CHIC1: variants seen among roughly 807,000 people sequenced by gnomAD.
CHIC1 encodes cysteine-rich hydrophobic domain-containing protein 1.
In CHIC1, 7 loss-of-function variants were observed where a neutral mutation model predicts 18.5. The observed-to-expected ratio is 0.38, with a 90% CI of 0.22 to 0.71. CHIC1 has a LOEUF of 0.71. CHIC1 is among the 30% of genes least tolerant of loss of function. CHIC1 has a pLI of 0.49. For missense variants in CHIC1, 159 were observed against 176.9 expected (o/e 0.90, Z 0.57); for synonymous variants, 77 against 73.5 (o/e 1.05, Z -0.25).
At chrX:73,669,003 G>A (rs181528825) in intron 3 of CHIC1, among the ~76,000 whole-genome samples, 2 of 112,874 alleles carry the variant, frequency 1.8e-5, no homozygotes, top group African/African-American at 6.4e-5. Flanking sequence ...CCATCCCAGG[G>A]AGAGGTGGGG....
chrX:73,669,710 G>A (rs2058020928), intron 3 of CHIC1, among the ~76,000 whole-genome samples: 1 of 112,017 alleles, frequency 8.9e-6, no homozygotes, highest in Non-Finnish European at 1.9e-5. Flanking sequence ...CAGACCATTT[G>A]GACTCTACAA....
intron 3 of CHIC1, among the ~76,000 whole-genome samples, chrX:73,655,615 T>G (rs1442253937): frequency 1.5e-5 from 1 of 66,266 alleles, no homozygotes; most frequent in African/African-American, 6.0e-5. Flanking sequence ...ATATATAGTG[T>G]GTGTATATAT....
chrX:73,628,053 TC>T (rs2057791648), intron 3 of CHIC1, among the ~76,000 whole-genome samples: 1 of 111,471 alleles, frequency 9.0e-6, no homozygotes, highest in Admixed American at 9.5e-5. Context: ...GGCAGTGGGT[TC>T]CCTTCTGGCC....
At chrX:73,628,073 G>T (rs1298414266) in intron 3 of CHIC1, among the ~76,000 whole-genome samples, 2 of 111,659 alleles carry the variant, frequency 1.8e-5, no homozygotes, top group African/African-American at 6.5e-5. Flanking sequence ...CCCAGGGTGT[G>T]TCTAGAAATG....
chrX:73,672,288 A>G (rs923576801), intron 3 of CHIC1, among the ~76,000 whole-genome samples: 1 of 111,807 alleles, frequency 8.9e-6, no homozygotes, highest in East Asian at 2.9e-4. Context: ...ATACCCAGTA[A>G]TGGGAAGGCT....
At chrX:73,654,791 G>A (rs960904645) in intron 3 of CHIC1, among the ~76,000 whole-genome samples, 1 of 111,460 alleles carries the variant, frequency 9.0e-6, no homozygotes, top group African/African-American at 3.3e-5. Flanking sequence ...CATTATTTTG[G>A]TTTTCCAGTT....
At chrX:73,628,809 T>C (rs751386592) in intron 3 of CHIC1, among the ~76,000 whole-genome samples, 5 of 111,541 alleles carry the variant, frequency 4.5e-5, no homozygotes, top group Middle Eastern at 4.6e-3. Context: ...TAGATAGTTG[T>C]TAACTATCTA....
At chrX:73,627,158 AG>A (rs1213620531) in intron 3 of CHIC1, among the ~76,000 whole-genome samples, 2 of 108,109 alleles carry the variant, frequency 1.8e-5, no homozygotes, top group African/African-American at 6.9e-5. Flanking sequence ...AAAAAAAAAA[AG>A]AGTCTTTCTC....
chrX:73,645,138 A>T (rs2057882451), intron 3 of CHIC1, among the ~76,000 whole-genome samples: 2 of 112,485 alleles, frequency 1.8e-5, no homozygotes. Context: ...CAATTTTTTT[A>T]GATTCCACAT....
chrX:73,609,911 T>A (rs1309368144), intron 3 of CHIC1, among the ~76,000 whole-genome samples: 1 of 108,738 alleles, frequency 9.2e-6, no homozygotes, highest in East Asian at 2.8e-4. Flanking sequence ...TTTAACTACA[T>A]GTCTCGCTGG....
rs981304660 is a variant in CHIC1, at chrX:73,630,680, G to T, written c.507+46108G>T. On this transcript the variant is annotated intron_variant, in intron 3 of 5. Coordinates refer to ENST00000373502, the MANE Select transcript of CHIC1 (RefSeq NM_001039840.4). Reference sequence around the variant, plus strand: ...GATTTTTGCATCTATTTGCTTCAGGGATATTGGCCTATAATTTTAATTTCC... The same window carrying T: ...GATTTTTGCATCTATTTGCTTCAGGTATATTGGCCTATAATTTTAATTTCC... Among the ~76,000 whole-genome samples, 5 of 110,873 alleles carry T rather than the reference G, an allele frequency of 4.5e-5. No homozygotes were observed. The Admixed American group carries it at 4.8e-4, about 11-fold the overall frequency.
rs2058110616 is a variant in CHIC1 at position 73,684,021 on chromosome X, A to G, written c.*3016A>G. On this transcript the variant is annotated 3_prime_UTR_variant, in exon 6 of 6. Transcript: ENST00000373502. Reference sequence around the variant, plus strand: ...AAAGATAACACATTACGTGTAAGGAAGCATAATAAATGAATTGGTAGATGA... The same window carrying G: ...AAAGATAACACATTACGTGTAAGGAGGCATAATAAATGAATTGGTAGATGA... The G allele has an allele frequency of 8.9e-6, 1 of 112,090 alleles. No homozygotes were observed. The highest frequency in any genetic ancestry group is 9.5e-5 in the Admixed American group (1 of 10,484). 9.2% of individuals were successfully genotyped at this position (112,090 alleles called of 1,213,427 possible).
chrX:73,624,182 C>G (rs1215916774), intron 3 of CHIC1, among the ~76,000 whole-genome samples: 2 of 110,500 alleles, frequency 1.8e-5, no homozygotes, highest in African/African-American at 6.6e-5. Flanking sequence ...TTCTCTAATC[C>G]AAACATGCAA....
At position 73,611,481 on chromosome X, in the gene CHIC1, C is replaced by T. The variant is rs181268212; in HGVS notation, c.507+26909C>T. 2.5e-3 allele frequency among the ~76,000 whole-genome samples: 274 copies of T among 108,740 alleles called. 3 individuals are homozygous for T. Among genetic ancestry groups the T allele is most frequent in the Non-Finnish European group, 4.4e-3 (235 of 53,173 alleles). The allele number at this position is 108,740 out of a possible 115,157, so 94.4% of individuals were successfully genotyped here. ...TGTGAATAGTGCCGCAATAAACATA[C>T]GTGTGCATGTGTCTTTATAGCAGCA... On this transcript the variant is annotated intron_variant, in intron 3 of 5. Coordinates refer to ENST00000373502, the MANE Select transcript of CHIC1 (RefSeq NM_001039840.4).
chrX:73,563,180 C>G, upstream of CHIC1: 6 of 853,428 alleles, frequency 7.0e-6, no homozygotes, highest in Non-Finnish European at 8.6e-6. Context: ...AATCCTGTCC[C>G]TACACCCCTC....
chrX:73,633,202 T>A (rs1372895750), intron 3 of CHIC1, among the ~76,000 whole-genome samples: 1 of 111,551 alleles, frequency 9.0e-6, no homozygotes, highest in Non-Finnish European at 1.9e-5. Context: ...AAGGCAGATT[T>A]ACTGGTGATG....
At chrX:73,652,286 G>GA (rs1241131439) in intron 3 of CHIC1, among the ~76,000 whole-genome samples, 2 of 111,871 alleles carry the variant, frequency 1.8e-5, no homozygotes, top group Non-Finnish European at 3.8e-5. Flanking sequence ...AAAAGCCTTA[G>GA]AAAAAAACCT....
chrX:73,654,688 A>C (rs1198506590), intron 3 of CHIC1, among the ~76,000 whole-genome samples: 1 of 111,833 alleles, frequency 8.9e-6, no homozygotes, highest in Non-Finnish European at 1.9e-5. Context: ...GAGATGTTTT[A>C]TTGGTGAATG....
intron 3 of CHIC1, among the ~76,000 whole-genome samples, chrX:73,605,111 C>T (rs2057673758): frequency 9.3e-6 from 1 of 107,587 alleles, no homozygotes; most frequent in South Asian, 3.9e-4. Flanking sequence ...TTAAAGTCTC[C>T]CACTATTATC....
Sources: gnomAD v4.1 joint callset for allele counts (sites outside exome capture counted in the v4.1 genomes callset) on GRCh38, gnomAD v4.1.1 for gene constraint, MANE v1.5 for transcripts, NCBI Gene and HGNC (gene_info 2026-07-23, HGNC 2026-07-21) for gene names.